Variants in UST observed in about 807,000 individuals in gnomAD.
UST encodes the protein chondroitin sulfate 2-O-sulfotransferase.
Under a neutral mutation model 45.6 loss-of-function variants are expected in UST, and 21 were observed. That is an observed-to-expected ratio of 0.46 (90% CI 0.33 to 0.66). The LOEUF (loss-of-function observed/expected upper bound fraction) is 0.66. Among genes scored for constraint, UST ranks in the 30% least tolerant of loss-of-function variants. UST has a pLI of 0.02. For synonymous variants in UST, 215 were observed against 200.6 expected (o/e 1.07, Z -0.61); for missense variants, 463 against 512.4 (o/e 0.90, Z 0.93).
chr6:148,991,349 A>AT lies in UST; in HGVS notation c.681+26794dup, dbSNP rs748512355. Among the ~76,000 whole-genome samples, 414 of 152,106 alleles carry AT rather than the reference A, an allele frequency of 2.7e-3. 3 individuals are homozygous for AT. Among genetic ancestry groups the AT allele is most frequent in the Non-Finnish European group, 4.6e-3 (316 of 67,994 alleles). On this transcript the variant is annotated intron_variant, in intron 5 of 7. Transcript: ENST00000367463. ...GTCATGCCACCAATAGAACTCATAA[A>AT]TTTTTTTTAATTTTTATTTTTATTA...
intron 5 of UST, among the ~76,000 whole-genome samples, chr6:148,978,979 A>G (rs1460202707): frequency 3.3e-5 from 5 of 152,166 alleles, no homozygotes. Context: ...TTGGGATTTC[A>G]TCTCAGGGAG....
At chr6:149,012,357 G>A (rs187872502) in intron 5 of UST, among the ~76,000 whole-genome samples, 1 of 152,238 alleles carries the variant, frequency 6.6e-6, no homozygotes, top group East Asian at 1.9e-4. Flanking sequence ...AGTGTATGAG[G>A]CAATAAAAGT....
At chr6:148,991,465 C>T (rs1461642331) in intron 5 of UST, among the ~76,000 whole-genome samples, 1 of 150,720 alleles carries the variant, frequency 6.6e-6, no homozygotes, top group African/African-American at 2.4e-5. Flanking sequence ...CACCCGTTAA[C>T]TCATCATTTA....
At chr6:148,764,821 C>T (rs1750522705) in intron 1 of UST, among the ~76,000 whole-genome samples, 1 of 152,140 alleles carries the variant, frequency 6.6e-6, no homozygotes, top group Non-Finnish European at 1.5e-5. Flanking sequence ...TCCTGCTGTG[C>T]ACACAATGTC....
intron 2 of UST, among the ~76,000 whole-genome samples, chr6:148,940,899 C>T (rs929301472): frequency 6.6e-6 from 1 of 152,040 alleles, no homozygotes; most frequent in Admixed American, 6.6e-5. Flanking sequence ...TTCTGGAATT[C>T]CACTCCACTT....
chr6:148,916,368 G>A (rs144640948), intron 2 of UST, among the ~76,000 whole-genome samples: 1 of 152,298 alleles, frequency 6.6e-6, no homozygotes, highest in Non-Finnish European at 1.5e-5. Flanking sequence ...ATCCTCCCGT[G>A]AGTATATTTT....
rs564949445 is a variant in UST, at chr6:148,910,710, G to A, written c.291+23681G>A. 3.9e-5 allele frequency among the ~76,000 whole-genome samples: 6 copies of A among 152,232 alleles called. No homozygotes were observed. In the South Asian group the frequency reaches 1.0e-3, roughly 26 times the overall value. On this transcript the variant is annotated intron_variant, in intron 2 of 7. Transcript: ENST00000367463. The stretch of plus-strand genomic sequence containing the variant: ...TGTTTATAAAAGGTATGAGTTAGGT[G>A]TGCAAAAATGTAACATTATGGGTTA...
At chr6:148,980,236 A>G (rs1781103471) in intron 5 of UST, among the ~76,000 whole-genome samples, 1 of 152,136 alleles carries the variant, frequency 6.6e-6, no homozygotes, top group African/African-American at 2.4e-5. Flanking sequence ...ATTTTTTAAA[A>G]AGAGTTATTT....
At chr6:149,020,594 A>G (rs1775963372) in intron 6 of UST, among the ~76,000 whole-genome samples, 1 of 152,196 alleles carries the variant, frequency 6.6e-6, no homozygotes, top group African/African-American at 2.4e-5. Flanking sequence ...CTTTACAACA[A>G]TGCTTTGAAC....
chr6:148,842,604 C>T (rs953495718), intron 1 of UST, among the ~76,000 whole-genome samples: 8 of 152,180 alleles, frequency 5.3e-5, no homozygotes, highest in African/African-American at 1.7e-4. Flanking sequence ...GGAGTTTTCT[C>T]GTCTGCACAT....
chr6:148,843,753 A>G (rs1188577319), intron 1 of UST, among the ~76,000 whole-genome samples: 2 of 152,216 alleles, frequency 1.3e-5, no homozygotes, highest in East Asian at 3.8e-4. Context: ...AAGTTCAAAT[A>G]CATTTGTAAT....
At chr6:148,944,780 A>C (rs1035266812) in intron 3 of UST, among the ~76,000 whole-genome samples, 4 of 152,254 alleles carry the variant, frequency 2.6e-5, no homozygotes, top group African/African-American at 4.8e-5. Flanking sequence ...CTCATCATGC[A>C]AACCTGTGAT....
At chr6:148,991,336 A>G (rs1222764564) in intron 5 of UST, among the ~76,000 whole-genome samples, 3 of 152,202 alleles carry the variant, frequency 2.0e-5, no homozygotes, top group African/African-American at 4.8e-5. Context: ...CATGCCACCA[A>G]TAGAACTCAT....
At chr6:149,021,757 T>C (rs1775984393) in intron 7 of UST, among the ~76,000 whole-genome samples, 1 of 152,210 alleles carries the variant, frequency 6.6e-6, no homozygotes, top group Non-Finnish European at 1.5e-5. Context: ...CCATCAGCCT[T>C]GTCTTGAGCA....
intron 1 of UST, among the ~76,000 whole-genome samples, chr6:148,796,074 A>T (rs969319356): frequency 6.6e-6 from 1 of 152,184 alleles, no homozygotes; most frequent in Admixed American, 6.5e-5. Context: ...ATTGAGATGC[A>T]TGGGGGCAGA....
chr6:148,881,761 T>A (rs1778827417), intron 1 of UST, among the ~76,000 whole-genome samples: 1 of 152,184 alleles, frequency 6.6e-6, no homozygotes, highest in Non-Finnish European at 1.5e-5. Flanking sequence ...GCTCCTTTGA[T>A]GCCTGGGAGC....
chr6:149,060,690 G>T (rs9498201), intron 7 of UST, among the ~76,000 whole-genome samples: 48,426 of 151,994 alleles, frequency 0.32, 8,147 homozygotes, highest in Non-Finnish European at 0.36. Flanking sequence ...CCACTTGACC[G>T]TGACTTTCGG....
At chr6:148,834,174 G>A (rs1777743746) in intron 1 of UST, among the ~76,000 whole-genome samples, 1 of 152,106 alleles carries the variant, frequency 6.6e-6, no homozygotes, top group Non-Finnish European at 1.5e-5. Context: ...AAGTTATAAG[G>A]TTCATTCCAT....
chr6:148,949,292 AAATAATAATAATAATAATAATAAT>A (rs56946786), intron 3 of UST, among the ~76,000 whole-genome samples: 1 of 141,356 alleles, frequency 7.1e-6, no homozygotes, highest in East Asian at 2.1e-4. Flanking sequence ...CTTCGTCTCA[AAATAATAATAATAATAATAATAAT>A]AATAATAATA....
Sources: gnomAD v4.1 joint callset for allele counts (sites outside exome capture counted in the v4.1 genomes callset) on GRCh38, gnomAD v4.1.1 for gene constraint, MANE v1.5 for transcripts, NCBI Gene and HGNC (gene_info 2026-07-23, HGNC 2026-07-21) for gene names.